Variants in EPHA6 observed in about 807,000 individuals in gnomAD.
EPHA6 encodes EPH receptor A6, also known as ephrin type-A receptor 6.
In EPHA6, 50 loss-of-function variants were observed where a neutral mutation model predicts 112.0. The observed-to-expected ratio is 0.45, with a 90% CI of 0.36 to 0.56. The LOEUF (loss-of-function observed/expected upper bound fraction) is 0.56. Among genes scored for constraint, EPHA6 ranks in the 20% least tolerant of loss-of-function variants. The pLI is 0.00. For missense variants in EPHA6, 1,280 were observed against 1,417.4 expected (o/e 0.90, Z 1.56); for synonymous variants, 529 against 490.7 (o/e 1.08, Z -1.03).
intron 14 of EPHA6, among the ~76,000 whole-genome samples, chr3:97,676,655 T>A (rs1238122503): frequency 6.6e-6 from 1 of 152,190 alleles, no homozygotes; most frequent in Non-Finnish European, 1.5e-5. Flanking sequence ...ACAATCTTAC[T>A]GAAATTATAT....
intron 5 of EPHA6, among the ~76,000 whole-genome samples, chr3:97,390,589 A>G (rs1298231761): frequency 8.2e-6 from 1 of 122,392 alleles, no homozygotes; most frequent in Non-Finnish European, 1.5e-5. Flanking sequence ...TCTACTCCCA[A>G]AAAGCAATAG....
intron 3 of EPHA6, among the ~76,000 whole-genome samples, chr3:97,032,925 C>G (rs1035480967): frequency 6.6e-6 from 1 of 151,856 alleles, no homozygotes; most frequent in Non-Finnish European, 1.5e-5. Flanking sequence ...AAAAACTAGG[C>G]AGGGAGTTAA....
intron 11 of EPHA6, among the ~76,000 whole-genome samples, chr3:97,579,671 G>A (rs142629966): frequency 3.3e-5 from 5 of 152,226 alleles, no homozygotes; most frequent in East Asian, 1.9e-4. Context: ...GAACACATGC[G>A]CCAGTATGTA....
intron 3 of EPHA6, among the ~76,000 whole-genome samples, chr3:97,152,035 G>A (rs2076183615): frequency 6.6e-6 from 1 of 152,002 alleles, no homozygotes; most frequent in Non-Finnish European, 1.5e-5. Flanking sequence ...CATGTGTGAT[G>A]TGGGAAGAGA....
intron 13 of EPHA6, among the ~76,000 whole-genome samples, chr3:97,635,104 A>G (rs1247842426): frequency 6.6e-6 from 1 of 152,034 alleles, no homozygotes; most frequent in Admixed American, 6.6e-5. Context: ...GAAAAAAGGC[A>G]AAAACATGTA....
At chr3:97,672,893 A>C (rs2030991823) in intron 14 of EPHA6, among the ~76,000 whole-genome samples, 1 of 152,178 alleles carries the variant, frequency 6.6e-6, no homozygotes, top group Non-Finnish European at 1.5e-5. Context: ...TTTCATATTG[A>C]AATCTCAGTT....
intron 14 of EPHA6, among the ~76,000 whole-genome samples, chr3:97,642,125 C>T (rs562774676): frequency 0.01 from 1,353 of 131,402 alleles, 34 homozygotes; most frequent in African/African-American, 0.036. Context: ...CAAGTGGGTA[C>T]CTGACCCCTG....
intron 11 of EPHA6, among the ~76,000 whole-genome samples, chr3:97,583,581 A>C (rs2093461402): frequency 6.6e-6 from 1 of 152,136 alleles, no homozygotes; most frequent in Non-Finnish European, 1.5e-5. Flanking sequence ...AACTCTAACA[A>C]AATATGTACA....
At chr3:96,904,376 G>T (rs569946519) in intron 2 of EPHA6, among the ~76,000 whole-genome samples, 2 of 147,190 alleles carry the variant, frequency 1.4e-5, no homozygotes, top group Non-Finnish European at 3.0e-5. Context: ...CAAACACCGC[G>T]TGTTGTCACT....
At chr3:97,350,834 T>A (rs1298465031) in intron 5 of EPHA6, among the ~76,000 whole-genome samples, 4 of 148,782 alleles carry the variant, frequency 2.7e-5, no homozygotes, top group South Asian at 2.1e-4. Flanking sequence ...GAAAAAAAAA[T>A]ATATATAATC....
intron 11 of EPHA6, among the ~76,000 whole-genome samples, chr3:97,535,997 G>A (rs1051214209): frequency 9.9e-5 from 15 of 152,066 alleles, no homozygotes; most frequent in Non-Finnish European, 4.4e-5. Context: ...TGTTTGATAA[G>A]AGTTGAACCT....
At chr3:97,610,329 C>T (rs1275889961) in intron 12 of EPHA6, among the ~76,000 whole-genome samples, 1 of 151,546 alleles carries the variant, frequency 6.6e-6, no homozygotes, top group East Asian at 1.9e-4. Context: ...TGAGTTTCTC[C>T]TTTCTGCTTT....
chr3:97,584,081 G>T (rs1358780843), intron 11 of EPHA6, among the ~76,000 whole-genome samples: 1 of 152,128 alleles, frequency 6.6e-6, no homozygotes, highest in East Asian at 1.9e-4. Flanking sequence ...ATATATTTTT[G>T]ATGCTATTTA....
chr3:97,127,437 C>T (rs981551852), intron 3 of EPHA6, among the ~76,000 whole-genome samples: 3 of 151,934 alleles, frequency 2.0e-5, no homozygotes, highest in East Asian at 1.9e-4. Flanking sequence ...ATGAACTTCC[C>T]GGCTGGGCAC....
intron 3 of EPHA6, among the ~76,000 whole-genome samples, chr3:96,992,548 G>A (rs772478839): frequency 1.3e-4 from 19 of 152,000 alleles, no homozygotes; most frequent in Non-Finnish European, 2.5e-4. Context: ...CTGAGGTAAC[G>A]TTGTGTACTG....
chr3:97,635,301 T>C (rs1164856095), intron 13 of EPHA6, among the ~76,000 whole-genome samples: 1 of 152,108 alleles, frequency 6.6e-6, no homozygotes, highest in Non-Finnish European at 1.5e-5. Flanking sequence ...AGAACCGTTA[T>C]TACCATGATG....
At chr3:97,040,043 G>A (rs1362702216) in intron 3 of EPHA6, among the ~76,000 whole-genome samples, 1 of 151,636 alleles carries the variant, frequency 6.6e-6, no homozygotes, top group Non-Finnish European at 1.5e-5. Flanking sequence ...TAAATTGAGT[G>A]AGAATCATAC....
chr3:97,729,737 C>A (rs1576365758), intron 15 of EPHA6, among the ~76,000 whole-genome samples: 1 of 150,894 alleles, frequency 6.6e-6, no homozygotes, highest in East Asian at 2.0e-4. Context: ...TAGACACAAT[C>A]TTTATATTGC....
At chr3:97,252,264 A>G (rs1189740212) in intron 5 of EPHA6, among the ~76,000 whole-genome samples, 1 of 152,072 alleles carries the variant, frequency 6.6e-6, no homozygotes, top group African/African-American at 2.4e-5. Flanking sequence ...CCAGGTTCCC[A>G]GGGCCCTGCC....
Sources: gnomAD v4.1 joint callset for allele counts (sites outside exome capture counted in the v4.1 genomes callset) on GRCh38, gnomAD v4.1.1 for gene constraint, MANE v1.5 for transcripts, NCBI Gene and HGNC (gene_info 2026-07-23, HGNC 2026-07-21) for gene names.